Variants in SVEP1 observed in about 807,000 individuals in gnomAD.
SVEP1 encodes the protein sushi, von Willebrand factor type A, EGF and pentraxin domain-containing protein 1.
In SVEP1, 164 loss-of-function variants were observed where a neutral mutation model predicts 367.3. The observed-to-expected ratio is 0.45, with a 90% CI of 0.39 to 0.51. The LOEUF (loss-of-function observed/expected upper bound fraction) is 0.51, where lower values mean the gene tolerates loss of function less well. Among genes scored for constraint, SVEP1 ranks in the 20% least tolerant of loss-of-function variants. The probability of loss-of-function intolerance (pLI) is 0.00; values close to 1 mark genes in which losing one functional copy is unlikely to be tolerated. For missense variants in SVEP1, 4,117 were observed against 4,425.3 expected (o/e 0.93, Z 1.98); for synonymous variants, 1,666 against 1,611.6 (o/e 1.03, Z -0.81).
intron 43 of SVEP1, among the ~76,000 whole-genome samples, chr9:110,385,194 T>C (rs773602131): frequency 1.3e-5 from 2 of 152,150 alleles, no homozygotes; most frequent in African/African-American, 4.8e-5. Context: ...TTGGCTGGGC[T>C]GGTCTTGAAC....
intron 41 of SVEP1, among the ~76,000 whole-genome samples, chr9:110,389,200 G>GCCTTCTAATTTATAATTAT (rs1183864826): frequency 2.0e-5 from 3 of 151,452 alleles, no homozygotes; most frequent in Non-Finnish European, 1.5e-5. Context: ...ACAGCTCTTA[G>GCCTTCTAATTTATAATTAT]CCTTCTAATT....
rs56077443 is a variant in SVEP1, at chr9:110,572,789, C to CAAAAAAAAAAAAAA, written c.531+6210_531+6223dup. 1.9e-3 allele frequency among the ~76,000 whole-genome samples: 143 copies of CAAAAAAAAAAAAAA among 76,524 alleles called. 6 individuals carry two copies. The highest frequency in any genetic ancestry group is 2.6e-3 in the Non-Finnish European group (106 of 40,364). The allele number at this position is 76,524 out of a possible 152,430, so 50.2% of individuals were successfully genotyped here. ...AGAGGGTGACCCTCTCTCTCTCTCA[C>CAAAAAAAAAAAAAA]AAAAAAAAAAAAAAAAAAAAAAAAA... is the stretch of plus-strand genomic sequence containing the variant. On this transcript the variant is annotated intron_variant, in intron 1 of 47. Transcript: ENST00000374469.
rs765563342 is a variant in SVEP1 at position 110,446,025 on chromosome 9, G to A, written c.4275C>T (p.Gly1425=). The change falls in exon 26 of 48, where the codon GGC becomes GGT. Residue 1425 remains glycine, a synonymous_variant. Coordinates refer to ENST00000374469, the MANE Select transcript of SVEP1 (RefSeq NM_153366.4). ...GKRCETEQST[G]FNLDFEVSGI... ...CAGAAACTTCAAAATCCAGGTTAAA[G>A]CCTGTAGACTGTTCTGCAATGAATA... 1.2e-6 allele frequency: 2 copies of A among 1,611,236 alleles called. No homozygotes were observed. Among genetic ancestry groups the A allele is most frequent in the Admixed American group, 1.7e-5 (1 of 59,470 alleles).
At chr9:110,454,027 A>T (rs965366154) in intron 22 of SVEP1, among the ~76,000 whole-genome samples, 23 of 151,966 alleles carry the variant, frequency 1.5e-4, no homozygotes, top group African/African-American at 5.6e-4. Flanking sequence ...GTGTCTGTTC[A>T]TGTCCTTTGC....
At chr9:110,371,079 T>C (rs1039891621) in intron 46 of SVEP1, among the ~76,000 whole-genome samples, 1 of 152,152 alleles carries the variant, frequency 6.6e-6, no homozygotes, top group Non-Finnish European at 1.5e-5. Context: ...ACAAGTAAAA[T>C]ACGTCTTTCC....
At chr9:110,457,191 A>C in intron 21 of SVEP1, 65 bp downstream of exon 21, 1 of 1,313,554 alleles carries the variant, frequency 7.6e-7, no homozygotes, top group Non-Finnish European at 1.0e-6. Flanking sequence ...CTAAAGTTTG[A>C]TACTGCAAGT....
In SVEP1 at chr9:110,406,209, C is replaced by A. The variant is rs1160528158; in HGVS notation, c.9391G>T (p.Ala3131Ser). Residue 3131 changes from alanine (A) to serine (S), a missense_variant, in exon 38 of 48, where the codon GCA becomes TCA. Ala to Ser is a moderately conservative substitution (Grantham distance 99). This residue lies in a region of SVEP1 where 1,765 missense variants were observed against 1,781.1 expected (regional missense o/e 0.99). Coordinates refer to ENST00000374469, the MANE Select transcript of SVEP1 (RefSeq NM_153366.4). ...SCGSPPSVAN[A>S]VATGEAHTYE... ...GTGTGTGCCTCTCCAGTTGCCACTGCATTGGCGACAGACGGTGGGGACCCA... is the reference window on the plus strand; with the variant it reads ...GTGTGTGCCTCTCCAGTTGCCACTGAATTGGCGACAGACGGTGGGGACCCA... 3 of 1,607,576 alleles carry A rather than the reference C, an allele frequency of 1.9e-6. No homozygotes were observed. Among genetic ancestry groups the A allele is most frequent in the Non-Finnish European group, 2.6e-6 (3 of 1,176,308 alleles).
At chr9:110,529,681 G>A (rs558473375) in intron 3 of SVEP1, among the ~76,000 whole-genome samples, 1 of 152,048 alleles carries the variant, frequency 6.6e-6, no homozygotes, top group Non-Finnish European at 1.5e-5. Context: ...TGGTGGTGGT[G>A]TATAGCAGTG....
chr9:110,550,516 A>T (rs1200674983), intron 1 of SVEP1, among the ~76,000 whole-genome samples: 2 of 150,946 alleles, frequency 1.3e-5, no homozygotes, highest in African/African-American at 4.9e-5. Flanking sequence ...CTATCTATCT[A>T]TCTATCTATC....
chr9:110,518,093 T>TA (rs914495843), intron 3 of SVEP1, among the ~76,000 whole-genome samples: 2 of 152,134 alleles, frequency 1.3e-5, no homozygotes, highest in African/African-American at 4.8e-5. Context: ...CTAGTTTTGT[T>TA]ACAATGAATA....
intron 3 of SVEP1, among the ~76,000 whole-genome samples, chr9:110,541,916 C>T (rs866308772): frequency 6.4e-4 from 94 of 146,718 alleles, no homozygotes; most frequent in Middle Eastern, 3.8e-3. Context: ...TATCTATATA[C>T]ATAGATATCT....
At position 110,429,320 on chromosome 9, in the gene SVEP1, T is replaced by C. The variant is rs777769454; in HGVS notation, c.5630A>G (p.Tyr1877Cys). 6.4e-7 allele frequency: 1 copy of C among 1,567,344 alleles called. No individual in the cohort carries two copies. ...TGATTCTTTATCACCGGCCAGAGTA[T>C]ATCCTTTATTACACCTAAAGAAGAT... ...SKVTYRCNKGYTLAGDKESSC... is the reference protein window; with the variant it reads ...SKVTYRCNKGCTLAGDKESSC... The change falls in exon 35 of 48, where the codon TAT (tyrosine) becomes TGT (cysteine). Residue 1877 changes from tyrosine to cysteine, a missense_variant. Around this residue, in one of 4 missense-constraint regions of SVEP1, gnomAD observed 2,174 missense variants for 2,494.3 expected, o/e 0.87. Coordinates refer to ENST00000374469, the MANE Select transcript of SVEP1 (RefSeq NM_153366.4).
chr9:110,477,524 C>T (rs1054809361), intron 13 of SVEP1, among the ~76,000 whole-genome samples: 4 of 152,256 alleles, frequency 2.6e-5, no homozygotes, highest in Middle Eastern at 3.4e-3. Flanking sequence ...AATTATTTTA[C>T]ACCACCTCTC....
Position 110,447,069 on chromosome 9 carries a change from C to T in SVEP1, c.4104-12G>A. 2.0e-6 allele frequency: 3 copies of T among 1,470,768 alleles called. No homozygotes were observed. The highest frequency in any genetic ancestry group is 1.4e-5 in the South Asian group (1 of 69,174). 91.1% of individuals were successfully genotyped at this position (1,470,768 alleles called of 1,614,324 possible). A position where few individuals can be genotyped will look rare whatever the true frequency, so the allele number is the denominator to read the frequency against. ...CTGCACACAGGCATCTGAAAGAAAA[C>T]AAAATGTTGTAACAATTAGAACAGT... is the stretch of plus-strand genomic sequence containing the variant. On this transcript the variant is annotated splice_polypyrimidine_tract_variant and intron_variant, in intron 24 of 47. Transcript: ENST00000374469.
chr9:110,462,849 G>C (rs1828878621), intron 18 of SVEP1, among the ~76,000 whole-genome samples: 1 of 151,828 alleles, frequency 6.6e-6, no homozygotes, highest in African/African-American at 2.4e-5. Context: ...ACAGTGTTAA[G>C]GGCAACACAT....
intron 20 of SVEP1, 131 bp from the exon 21 acceptor site, chr9:110,457,483 G>T (rs1828793441): frequency 1.4e-6 from 1 of 692,196 alleles, no homozygotes; most frequent in Admixed American, 3.2e-5. Context: ...ACTCAAGCTA[G>T]GTGGCTTGCT....
chr9:110,573,173 C>G (rs1214161036), intron 1 of SVEP1, among the ~76,000 whole-genome samples: 2 of 147,018 alleles, frequency 1.4e-5, no homozygotes, highest in African/African-American at 5.0e-5. Flanking sequence ...TACCCCCACC[C>G]CTTCCTATAA....
chr9:110,367,294 A>G (rs1588014408), intron 47 of SVEP1, among the ~76,000 whole-genome samples: 1 of 152,054 alleles, frequency 6.6e-6, no homozygotes, highest in Admixed American at 6.6e-5. Flanking sequence ...TCAGTAGCTG[A>G]GACTACAGGT....
At chr9:110,426,346 C>T (rs2118540045) in intron 36 of SVEP1, among the ~76,000 whole-genome samples, 1 of 152,254 alleles carries the variant, frequency 6.6e-6, no homozygotes, top group Admixed American at 6.5e-5. Flanking sequence ...CACCAATCAT[C>T]ATAATAATGG....
Sources: gnomAD v4.1 joint callset for allele counts (sites outside exome capture counted in the v4.1 genomes callset) on GRCh38, gnomAD v4.1.1 for gene constraint, gnomAD v4.1.1 regional missense constraint, MANE v1.5 for transcripts, NCBI Gene and HGNC (gene_info 2026-07-23, HGNC 2026-07-21) for gene names.